Variants in DNAH12 observed in about 807,000 individuals in gnomAD.
The protein encoded by DNAH12 is dynein axonemal heavy chain 12, also known as axonemal beta dynein heavy chain 12.
In DNAH12, 285 loss-of-function variants were observed where a neutral mutation model predicts 371.5. That is an observed-to-expected ratio of 0.77 (90% CI 0.70 to 0.85). The LOEUF (loss-of-function observed/expected upper bound fraction) is 0.85. DNAH12 is among the 40% of genes least tolerant of loss of function. DNAH12 has a pLI of 0.00. For synonymous variants in DNAH12, 1,200 were observed against 1,213.0 expected (o/e 0.99, Z 0.22); for missense variants, 3,611 against 3,689.4 (o/e 0.98, Z 0.55).
intron 43 of DNAH12, among the ~76,000 whole-genome samples, chr3:57,399,783 TG>T (rs1224779215): frequency 6.6e-6 from 1 of 152,238 alleles, no homozygotes; most frequent in Non-Finnish European, 1.5e-5. Context: ...TGAAGACCTT[TG>T]TGATGATCCA....
chr3:57,342,655 A>G (rs1277643668), intron 60 of DNAH12, among the ~76,000 whole-genome samples: 1 of 147,876 alleles, frequency 6.8e-6, no homozygotes, highest in Non-Finnish European at 1.5e-5. Context: ...GAGACTCAAA[A>G]AAAAAAAAAA....
chr3:57,499,762 C>T (rs1240833570), intron 11 of DNAH12, among the ~76,000 whole-genome samples: 4 of 144,684 alleles, frequency 2.8e-5, no homozygotes, highest in Non-Finnish European at 4.5e-5. Flanking sequence ...TGCTTGAACC[C>T]GGGAGGTTAA....
intron 13 of DNAH12, among the ~76,000 whole-genome samples, chr3:57,476,550 C>A (rs1232904783): frequency 6.7e-6 from 1 of 150,290 alleles, no homozygotes; most frequent in Non-Finnish European, 1.5e-5. Context: ...GGTGACAGAG[C>A]GAGACTCTGT....
chr3:57,341,396 A>C (rs1222467051), intron 60 of DNAH12, among the ~76,000 whole-genome samples: 1 of 152,188 alleles, frequency 6.6e-6, no homozygotes, highest in African/African-American at 2.4e-5. Context: ...AAATTCAGTA[A>C]AGTTGCAGGA....
At chr3:57,529,250 CA>C (rs2068758647) in intron 2 of DNAH12, among the ~76,000 whole-genome samples, 1 of 152,032 alleles carries the variant, frequency 6.6e-6, no homozygotes, top group East Asian at 1.9e-4. Flanking sequence ...ATACTGGCCT[CA>C]AAAAATGAGT....
chr3:57,498,559 A>T, intron 11 of DNAH12: 4 of 717,078 alleles, frequency 5.6e-6, no homozygotes, highest in Non-Finnish European at 2.6e-6. Context: ...AAATGAAAGC[A>T]TATGTCCGCA....
rs189866187 is a variant in DNAH12, at chr3:57,403,397, C to T, written c.6860G>A (p.Arg2287His). The change falls in exon 43 of 74, where the codon CGT becomes CAT. Residue 2287 changes from arginine to histidine, a missense_variant. Physicochemically the swap from Arg to His is conservative, Grantham distance 29. This residue lies in a region of DNAH12 where 2,266 missense variants were observed against 2,236.9 expected (regional missense o/e 1.01). Coordinates refer to ENST00000495027, the MANE Select transcript of DNAH12 (RefSeq NM_001366028.2). Reference protein sequence around the residue: ...LGGSGRQSLTRLATSMAKMHI... With the variant: ...LGGSGRQSLTHLATSMAKMHI... ...CATTTTTGCCATGGATGTAGCCAGA[C>T]GAGTTAAAGATTGACGACCACTTCC... is the stretch of plus-strand genomic sequence containing the variant. 540 of 1,551,360 alleles carry T rather than the reference C, an allele frequency of 3.5e-4. 1 individual carries two copies. Among genetic ancestry groups the T allele is most frequent in the African/African-American group, 9.8e-4 (72 of 73,126 alleles).
intron 25 of DNAH12, among the ~76,000 whole-genome samples, chr3:57,448,205 G>A (rs1354077211): frequency 6.6e-6 from 1 of 152,262 alleles, no homozygotes; most frequent in African/African-American, 2.4e-5. Context: ...TTAAGGTGGC[G>A]CATCCAGAGT....
At chr3:57,534,613 ATTCTCCTGCCTCAGCATCCCAAG>A (rs2068965786) in intron 2 of DNAH12, among the ~76,000 whole-genome samples, 1 of 146,876 alleles carries the variant, frequency 6.8e-6, no homozygotes, top group Non-Finnish European at 1.5e-5. Flanking sequence ...GGTTCCAGTG[ATTCTCCTGCCTCAGCATCCCAAG>A]TAGCTGAGAT....
At chr3:57,333,362 G>A (rs1038458876) in intron 62 of DNAH12, among the ~76,000 whole-genome samples, 16 of 118,214 alleles carry the variant, frequency 1.4e-4, no homozygotes, top group South Asian at 4.7e-4. Context: ...ATGGAGTCTC[G>A]CTCTGTCACC....
the DNAH12 span, among the ~76,000 whole-genome samples, chr3:57,552,345 T>C: frequency 9.9e-4 from 151 of 152,256 alleles, no homozygotes; most frequent in African/African-American, 3.3e-3. Context: ...GCATGAGCCA[T>C]TGTGCTCAGC....
At position 57,507,778 on chromosome 3, in the gene DNAH12, G is replaced by C; in HGVS notation, c.762C>G (p.Asn254Lys). Residue 254 changes from asparagine to lysine, a missense_variant, in exon 8 of 74, where the codon AAC becomes AAG. Physicochemically the swap from Asn to Lys is moderately conservative, Grantham distance 94 (BLOSUM62 0). Transcript: ENST00000495027. ...LKTDLSIQTRNAEEKIMNTWY... is the reference protein window; with the variant it reads ...LKTDLSIQTRKAEEKIMNTWY... ...ATGTATTCATTATCTTCTCTTCTGCGTTTCTAGTTTGTATTGATAGATCAG... is the reference window on the plus strand; with the variant it reads ...ATGTATTCATTATCTTCTCTTCTGCCTTTCTAGTTTGTATTGATAGATCAG... The C allele has an allele frequency of 6.2e-7, 1 of 1,607,252 alleles. No individual in the cohort carries two copies. The highest frequency in any genetic ancestry group is 2.2e-5 in the East Asian group (1 of 44,534).
chr3:57,529,367 C>T (rs2068762732), intron 2 of DNAH12, among the ~76,000 whole-genome samples: 1 of 151,984 alleles, frequency 6.6e-6, no homozygotes, highest in African/African-American at 2.4e-5. Context: ...CCATAAGGGC[C>T]TGGGCTTTTT....
Position 57,453,415 on chromosome 3 carries a change from A to T in DNAH12, c.3457-12T>A, listed in dbSNP as rs1015645914. On this transcript the variant is annotated splice_polypyrimidine_tract_variant and intron_variant, in intron 23 of 73. Transcript: ENST00000495027. ...TACTTCTTTAATCCCTACAAAATAA[A>T]AAAAAAAGCAATCTAATTGATGTCA... 1 of 1,510,470 alleles carries T rather than the reference A, an allele frequency of 6.6e-7. No individual in the cohort carries two copies. Among genetic ancestry groups the T allele is most frequent in the Non-Finnish European group, 8.8e-7 (1 of 1,133,282 alleles). 93.6% of individuals were successfully genotyped at this position (1,510,470 alleles called of 1,614,324 possible).
chr3:57,519,981 G>A (rs1369975978), intron 4 of DNAH12: 3 of 829,206 alleles, frequency 3.6e-6, no homozygotes, highest in Non-Finnish European at 6.2e-6. Context: ...TCAGGGCGTA[G>A]GGTTCCTCGC....
chr3:57,321,539 G>A (rs76980811), intron 65 of DNAH12, among the ~76,000 whole-genome samples: 1,936 of 152,082 alleles, frequency 0.013, 40 homozygotes, highest in African/African-American at 0.044. Flanking sequence ...GTGACCTACC[G>A]GACTGGTAAA....
At chr3:57,412,666 G>A (rs2064243151) in intron 39 of DNAH12, among the ~76,000 whole-genome samples, 1 of 152,114 alleles carries the variant, frequency 6.6e-6, no homozygotes, top group Non-Finnish European at 1.5e-5. Flanking sequence ...GATACAGAGA[G>A]GGCAAATAAA....
At chr3:57,432,155 T>C (rs1482309800) in intron 32 of DNAH12, among the ~76,000 whole-genome samples, 1 of 144,956 alleles carries the variant, frequency 6.9e-6, no homozygotes, top group Non-Finnish European at 1.5e-5. Context: ...TATGATAAAG[T>C]ACTTCAGTAT....
chr3:57,451,602 G>A (rs2065757087), intron 25 of DNAH12, among the ~76,000 whole-genome samples: 1 of 152,226 alleles, frequency 6.6e-6, no homozygotes, highest in South Asian at 2.1e-4. Context: ...TGGCGCCACT[G>A]CATTCCAGCC....
Sources: gnomAD v4.1 joint callset for allele counts (sites outside exome capture counted in the v4.1 genomes callset) on GRCh38, gnomAD v4.1.1 for gene constraint, gnomAD v4.1.1 regional missense constraint, MANE v1.5 for transcripts, NCBI Gene and HGNC (gene_info 2026-07-23, HGNC 2026-07-21) for gene names.